The following PSMB1 variants were observed in gnomAD, a reference collection of about 807,000 sequenced individuals.
PSMB1 encodes the protein proteasome subunit beta type-1.
In PSMB1, 7 loss-of-function variants were observed where a neutral mutation model predicts 25.4. The observed-to-expected ratio is 0.28, with a 90% confidence interval of 0.16 to 0.52. The LOEUF (loss-of-function observed/expected upper bound fraction) is 0.52. Ranked by LOEUF, PSMB1 falls within the 20% of genes least tolerant of loss-of-function variation. PSMB1 has a pLI of 0.97. For missense variants in PSMB1, 284 were observed against 302.2 expected (o/e 0.94, Z 0.45); for synonymous variants, 119 against 115.0 (o/e 1.03, Z -0.22).
chr6:170,536,050 T>C (rs916430746), intron 5 of PSMB1, among the ~76,000 whole-genome samples: 9 of 152,210 alleles, frequency 5.9e-5, no homozygotes, highest in African/African-American at 2.2e-4. Context: ...GGTCTGAATT[T>C]AGCCAGCAGT....
At chr6:170,538,859 G>A (rs1778726730) in intron 4 of PSMB1, among the ~76,000 whole-genome samples, 1 of 152,176 alleles carries the variant, frequency 6.6e-6, no homozygotes, top group Non-Finnish European at 1.5e-5. Context: ...AAAAAAGAAA[G>A]AGATGTAAGG....
chr6:170,538,108 C>T (rs1778716678), intron 4 of PSMB1, among the ~76,000 whole-genome samples: 1 of 152,150 alleles, frequency 6.6e-6, no homozygotes, highest in Non-Finnish European at 1.5e-5. Flanking sequence ...CATCTTTGAG[C>T]TCTGAATTAG....
chr6:170,535,316 C>T lies in PSMB1; in HGVS notation c.630G>A (p.Ala210=), dbSNP rs756484076. The change falls in exon 6 of 6, where the codon GCG becomes GCA. Residue 210 remains alanine (A), a synonymous_variant. Transcript: ENST00000262193. ...MRLVKDVFIS[A]AERDVYTGDA... The stretch of plus-strand genomic sequence containing the variant: ...CCCCAGTGTACACATCTCTCTCAGC[C>T]GCAGAAATGAAGACATCTTTCACCA... 67 of 1,613,938 alleles carry T rather than the reference C, an allele frequency of 4.2e-5. No homozygotes were observed. Among genetic ancestry groups the T allele is most frequent in the Non-Finnish European group, 5.6e-5 (66 of 1,179,964 alleles).
intron 3 of PSMB1, among the ~76,000 whole-genome samples, chr6:170,544,767 G>GA (rs1180834163): frequency 6.6e-6 from 1 of 152,092 alleles, no homozygotes. Context: ...TCAAAACACT[G>GA]AAAAATGATT....
At chr6:170,551,573 G>A (rs77921268) in intron 1 of PSMB1, among the ~76,000 whole-genome samples, 9,679 of 152,232 alleles carry the variant, frequency 0.064, 1,054 homozygotes, top group African/African-American at 0.22. Context: ...TGAGTAACGA[G>A]TAGGGCATAC....
At chr6:170,538,428 C>T (rs1398527156) in intron 4 of PSMB1, among the ~76,000 whole-genome samples, 1 of 152,160 alleles carries the variant, frequency 6.6e-6, no homozygotes, top group Non-Finnish European at 1.5e-5. Flanking sequence ...TGGCCAGGCG[C>T]GGTGGCTCAC....
intron 4 of PSMB1, among the ~76,000 whole-genome samples, chr6:170,543,172 A>G (rs1778776082): frequency 6.6e-6 from 1 of 152,220 alleles, no homozygotes; most frequent in Non-Finnish European, 1.5e-5. Context: ...TGTTTCAAAA[A>G]GTTCTGAAAA....
chr6:170,537,306 C>A lies in PSMB1; in HGVS notation c.468G>T (p.Gly156=), dbSNP rs770632620. Reference sequence around the variant, plus strand: ...CCTTGAAGGAGTCTCTCTGGTAAGACCCTACTGGATCAAAGCTGTATACAG... The same window carrying A: ...CCTTGAAGGAGTCTCTCTGGTAAGAACCTACTGGATCAAAGCTGTATACAG... ...KGAVYSFDPV[G]SYQRDSFKAG... Residue 156 remains glycine (G), a synonymous_variant, in exon 5 of 6, where the codon GGG becomes GGT. Transcript: ENST00000262193. The A allele has an allele frequency of 1.2e-6, 2 of 1,614,086 alleles. No homozygotes were observed. Among genetic ancestry groups the A allele is most frequent in the East Asian group, 2.2e-5 (1 of 44,874 alleles).
At chr6:170,536,467 T>C (rs1247960148) in intron 5 of PSMB1, 2 of 456,758 alleles carry the variant, frequency 4.4e-6, no homozygotes, top group Admixed American at 2.3e-5. Flanking sequence ...GGGAAAGTTA[T>C]GACATCACAA....
At position 170,535,409 on chromosome 6, in the gene PSMB1, G is replaced by C; in HGVS notation, c.541-4C>G. On this transcript the variant is annotated splice_region_variant and splice_polypyrimidine_tract_variant and intron_variant, in intron 5 of 5. Transcript: ENST00000262193. ...TCTGCATGTTCTTAAAACCAACCTG[G>C]TGGGACATGAAACTTGGGTGAGATG... The C allele has an allele frequency of 6.2e-7, 1 of 1,610,370 alleles. No homozygotes were observed. The highest frequency in any genetic ancestry group is 8.5e-7 in the Non-Finnish European group (1 of 1,177,954).
chr6:170,541,675 G>C (rs1778760492), intron 4 of PSMB1, among the ~76,000 whole-genome samples: 2 of 152,170 alleles, frequency 1.3e-5, no homozygotes, highest in South Asian at 4.1e-4. Context: ...ATAAAAATTA[G>C]TTTAAAGAAC....
Position 170,538,116 on chromosome 6 carries a change from T to TA in PSMB1, c.434-777dup, listed in dbSNP as rs1778716793. On this transcript the variant is annotated intron_variant, in intron 4 of 5. Coordinates refer to ENST00000262193, the MANE Select transcript of PSMB1 (RefSeq NM_002793.4). ...GGCTGGTCATCTTTGAGCTCTGAAT[T>TA]AGAGGCAAGAAAAGAAGGGAATTAA... Among the ~76,000 whole-genome samples, 3 of 152,324 alleles carry TA rather than the reference T, an allele frequency of 2.0e-5. No individual in the cohort carries two copies. In the South Asian group the frequency reaches 6.2e-4, roughly 32 times the overall value.
At chr6:170,541,478 C>T (rs999142164) in intron 4 of PSMB1, among the ~76,000 whole-genome samples, 2 of 152,016 alleles carry the variant, frequency 1.3e-5, no homozygotes. Context: ...CACAAAAGAG[C>T]TAAGAACCAT....
At position 170,546,121 on chromosome 6, in the gene PSMB1, A is replaced by C. The variant is rs778241916; in HGVS notation, c.285T>G (p.Ile95Met). 7 of 1,613,668 alleles carry C rather than the reference A, an allele frequency of 4.3e-6. No individual in the cohort carries two copies. The South Asian group carries it at 6.6e-5, about 15-fold the overall frequency. Residue 95 changes from isoleucine to methionine, a missense_variant, in exon 3 of 6, where the codon ATT becomes ATG. Transcript: ENST00000262193. ...FHGDCLTLTK[I>M]IEARLKMYKH... ...CATCTACCTTTAGTCTTGCTTCAATAATCTTTGTCAGCGTAAGACAGTCTC... is the reference window on the plus strand; with the variant it reads ...CATCTACCTTTAGTCTTGCTTCAATCATCTTTGTCAGCGTAAGACAGTCTC...
At chr6:170,548,983 T>C in intron 2 of PSMB1, 23 bp downstream of exon 2, 9 of 1,489,792 alleles carry the variant, frequency 6.0e-6, no homozygotes, top group Non-Finnish European at 8.4e-6. Context: ...CATTGTGAAA[T>C]GTCTTTAGAA....
intron 1 of PSMB1, among the ~76,000 whole-genome samples, chr6:170,552,540 A>G (rs1487393344): frequency 6.6e-6 from 1 of 152,126 alleles, no homozygotes; most frequent in East Asian, 1.9e-4. Context: ...GCACTTATCT[A>G]TGAAACTAAG....
Position 170,553,151 on chromosome 6 carries a change from G to A in PSMB1, c.92C>T (p.Ser31Leu), listed in dbSNP as rs1340569897. ...RAAGPLQLRF[S>L]PYVFNGGTIL... The stretch of plus-strand genomic sequence containing the variant: ...TTACCCTCCGTTGAAAACGTAGGGC[G>A]AAAATCGCAGCTGCAAAGGGCCCGC... The change falls in exon 1 of 6, where the codon TCG becomes TTG. Residue 31 changes from serine (S) to leucine (L), a missense_variant. Ser to Leu is a moderately radical substitution (Grantham distance 145, BLOSUM62 -2). Coordinates refer to ENST00000262193, the MANE Select transcript of PSMB1 (RefSeq NM_002793.4). 1 of 1,613,032 alleles carries A rather than the reference G, an allele frequency of 6.2e-7. No homozygotes were observed. Among genetic ancestry groups the A allele is most frequent in the Non-Finnish European group, 8.5e-7 (1 of 1,179,558 alleles).
chr6:170,551,985 T>TA (rs1244482775), intron 1 of PSMB1, among the ~76,000 whole-genome samples: 1 of 152,258 alleles, frequency 6.6e-6, no homozygotes, highest in Non-Finnish European at 1.5e-5. Context: ...GAACCAAGGC[T>TA]AAAATCAGAC....
intron 4 of PSMB1, among the ~76,000 whole-genome samples, chr6:170,542,180 G>A (rs979910212): frequency 6.6e-6 from 1 of 152,040 alleles, no homozygotes; most frequent in South Asian, 2.1e-4. Context: ...ATTTGTCTAC[G>A]CCTAAACCAT....
Sources: gnomAD v4.1 joint callset for allele counts (sites outside exome capture counted in the v4.1 genomes callset) on GRCh38, gnomAD v4.1.1 for gene constraint, MANE v1.5 for transcripts, NCBI Gene and HGNC (gene_info 2026-07-23, HGNC 2026-07-21) for gene names.